PRKN: variants seen among roughly 807,000 people sequenced by gnomAD.
The protein encoded by PRKN is parkin RBR E3 ubiquitin protein ligase, also known as E3 ubiquitin-protein ligase parkin.
A neutral mutation model predicts 59.5 loss-of-function variants in PRKN; 56 were observed. The observed-to-expected ratio is 0.94, with a 90% CI of 0.76 to 1.18. The LOEUF (loss-of-function observed/expected upper bound fraction) is 1.18, where lower values mean the gene tolerates loss of function less well. PRKN is among the 50% of genes most tolerant of loss of function. The pLI, the probability that PRKN is intolerant of heterozygous loss-of-function variation, is 0.00. For missense variants in PRKN, 657 were observed against 596.4 expected, an observed-to-expected ratio of 1.10 and a Z score of -1.06; for synonymous variants, 250 against 222.1, an observed-to-expected ratio of 1.13 and a Z score of -1.12.
chr6:161,494,113 T>C (rs1381386135), intron 9 of PRKN, among the ~76,000 whole-genome samples: 2 of 152,228 alleles, frequency 1.3e-5, no homozygotes, highest in Non-Finnish European at 2.9e-5. Flanking sequence ...TATACTTAGT[T>C]TTATACCATA....
chr6:162,612,025 A>T (rs1293972886), intron 1 of PRKN, among the ~76,000 whole-genome samples: 3 of 141,080 alleles, frequency 2.1e-5, no homozygotes, highest in East Asian at 2.6e-4. Flanking sequence ...CTCTACTAAA[A>T]ATACGAAAAA....
intron 1 of PRKN, among the ~76,000 whole-genome samples, chr6:162,634,687 G>A (rs138397918): frequency 8.5e-5 from 13 of 152,318 alleles, no homozygotes; most frequent in African/African-American, 2.9e-4. Context: ...GCAGAGGCGT[G>A]ATCTCAGCTC....
chr6:162,158,552 C>A (rs1453918728), intron 4 of PRKN, among the ~76,000 whole-genome samples: 1 of 151,954 alleles, frequency 6.6e-6, no homozygotes, highest in Non-Finnish European at 1.5e-5. Context: ...CTGCCTCATC[C>A]TCCAGAGTAG....
rs554349911 is a variant in PRKN, at chr6:161,708,962, G to A, written c.871+76810C>T. ...GAAGGAAAGGTTACACATCTGTGCT[G>A]TACAGCATGACAGCCACTAGCCACC... On this transcript the variant is annotated intron_variant, in intron 7 of 11. Transcript: ENST00000366898. Among the ~76,000 whole-genome samples, 39 of 152,322 alleles carry A rather than the reference G, an allele frequency of 2.6e-4. No homozygotes were observed. The South Asian group carries it at 7.7e-3, about 30-fold the overall frequency.
At chr6:162,328,630 G>A (rs759383079) in intron 2 of PRKN, among the ~76,000 whole-genome samples, 4 of 152,164 alleles carry the variant, frequency 2.6e-5, no homozygotes, top group African/African-American at 4.8e-5. Context: ...CAGGACAAAC[G>A]AATAAAGGAA....
intron 7 of PRKN, among the ~76,000 whole-genome samples, chr6:161,570,691 A>G (rs1780854527): frequency 6.6e-6 from 1 of 152,208 alleles, no homozygotes; most frequent in African/African-American, 2.4e-5. Context: ...ATATGTGTTC[A>G]TAGACTATTG....
At chr6:162,524,048 TA>T (rs1036717632) in intron 1 of PRKN, among the ~76,000 whole-genome samples, 1 of 151,308 alleles carries the variant, frequency 6.6e-6, no homozygotes, top group African/African-American at 2.4e-5. Context: ...CTCAGATGTT[TA>T]AAAAAAAAGA....
chr6:161,821,358 G>A (rs533630149), intron 6 of PRKN, among the ~76,000 whole-genome samples: 9 of 151,964 alleles, frequency 5.9e-5, no homozygotes, highest in South Asian at 2.1e-4. Flanking sequence ...TTCCTAGCCC[G>A]TACATAATCA....
chr6:161,767,516 CAA>C (rs11312010), intron 7 of PRKN, among the ~76,000 whole-genome samples: 1,686 of 145,558 alleles, frequency 0.012, 40 homozygotes, highest in South Asian at 0.039. Flanking sequence ...AACTCCTTCT[CAA>C]AAAAAAAAAA....
intron 1 of PRKN, among the ~76,000 whole-genome samples, chr6:162,675,611 C>T (rs1403406012): frequency 6.6e-6 from 1 of 152,110 alleles, no homozygotes; most frequent in Non-Finnish European, 1.5e-5. Flanking sequence ...CTTAAAACAA[C>T]TACAACCTAC....
In PRKN at chr6:161,576,902, T is replaced by C. The variant is rs934734341; in HGVS notation, c.872-7486A>G. ...CATAAAGTTGAGAAAAAAGTTGCAA[T>C]CGTTTATGCACAATGCAATGTCATT... On this transcript the variant is annotated intron_variant, in intron 7 of 11. Coordinates refer to ENST00000366898, the MANE Select transcript of PRKN (RefSeq NM_004562.3). This position sits in a 1 kb window ranked among gnomAD's most constrained non-coding sequence, Gnocchi z 4.6. Among the ~76,000 whole-genome samples the C allele has an allele frequency of 1.3e-5, 2 of 152,162 alleles. No homozygotes were observed. Among genetic ancestry groups the C allele is most frequent in the Admixed American group, 1.3e-4 (2 of 15,278 alleles).
chr6:162,723,339 G>A (rs1779006506), intron 1 of PRKN, among the ~76,000 whole-genome samples: 1 of 152,134 alleles, frequency 6.6e-6, no homozygotes, highest in Admixed American at 6.5e-5. Flanking sequence ...TGTCAAGACG[G>A]CAAAAATAAA....
intron 7 of PRKN, among the ~76,000 whole-genome samples, chr6:161,660,897 C>T (rs548254557): frequency 2.0e-4 from 31 of 152,058 alleles, no homozygotes; most frequent in South Asian, 1.7e-3. Flanking sequence ...TCCCACTGCC[C>T]TCCCTATCTC....
At position 161,361,460 on chromosome 6, in the gene PRKN, C is replaced by T. The variant is rs1013179420; in HGVS notation, c.1168-1255G>A. Among the ~76,000 whole-genome samples the T allele has an allele frequency of 4.6e-5, 7 of 152,162 alleles. No individual in the cohort carries two copies. Among genetic ancestry groups the T allele is most frequent in the Non-Finnish European group, 8.8e-5 (6 of 68,034 alleles). On this transcript the variant is annotated intron_variant, in intron 10 of 11. Coordinates refer to ENST00000366898, the MANE Select transcript of PRKN (RefSeq NM_004562.3). The surrounding 1 kb of genome is among the most constrained non-coding windows in gnomAD (Gnocchi z 5.2). ...CAGGCAAGTGAATGAATGAATGACG[C>T]AGCCCAGGAAGGCACTAAACTTTCA...
At chr6:162,368,515 T>G (rs1785572920) in intron 2 of PRKN, among the ~76,000 whole-genome samples, 1 of 138,028 alleles carries the variant, frequency 7.2e-6, no homozygotes, top group South Asian at 2.2e-4. Context: ...ACATCCTTCT[T>G]TCTGTGGCCC....
At chr6:161,732,700 T>A (rs1487867312) in intron 7 of PRKN, among the ~76,000 whole-genome samples, 1 of 152,220 alleles carries the variant, frequency 6.6e-6, no homozygotes, top group East Asian at 1.9e-4. Flanking sequence ...GTCACCTCCA[T>A]CCATGCTGCT....
At chr6:161,569,325 T>G in intron 8 of PRKN, 30 bp downstream of exon 8, 3 of 1,597,268 alleles carry the variant, frequency 1.9e-6, no homozygotes, top group Non-Finnish European at 2.6e-6. Flanking sequence ...TTCATGACAG[T>G]CTGATGCAGC....
At chr6:162,483,344 A>G (rs1792389545) in intron 1 of PRKN, among the ~76,000 whole-genome samples, 1 of 152,182 alleles carries the variant, frequency 6.6e-6, no homozygotes. Flanking sequence ...GTGGAGGTAA[A>G]AGAAGTTATG....
chr6:162,539,559 A>G (rs1397880755), intron 1 of PRKN, among the ~76,000 whole-genome samples: 4 of 152,200 alleles, frequency 2.6e-5, no homozygotes, highest in Non-Finnish European at 5.9e-5. Context: ...TACCAGGGAC[A>G]CATTCCTTTG....
Sources: allele counts gnomAD v4.1 joint callset (sites outside exome capture counted in the v4.1 genomes callset), GRCh38; gene constraint gnomAD v4.1.1; non-coding constraint Gnocchi (gnomAD v3.1); transcripts MANE v1.5; gene names NCBI Gene and HGNC (gene_info 2026-07-23, HGNC 2026-07-21).